Variants in CRADD observed in about 807,000 individuals in gnomAD.
The protein encoded by CRADD is death domain-containing protein CRADD.
A neutral mutation model predicts 15.5 loss-of-function variants in CRADD; 9 were observed. The observed-to-expected ratio is 0.58, with a 90% confidence interval of 0.35 to 1.01. The LOEUF (loss-of-function observed/expected upper bound fraction) is 1.01, where lower values mean the gene tolerates loss of function less well. Ranked by LOEUF, CRADD falls within the 50% of genes least tolerant of loss-of-function variation. CRADD has a pLI of 0.02. For synonymous variants in CRADD, 118 were observed against 107.6 expected (o/e 1.10, Z -0.60); for missense variants, 227 against 250.3 (o/e 0.91, Z 0.63).
chr12:93,807,173 T>A (rs145139667), intron 2 of CRADD, among the ~76,000 whole-genome samples: 2 of 152,324 alleles, frequency 1.3e-5, no homozygotes, highest in African/African-American at 4.8e-5. Context: ...AATTAGTACA[T>A]ATGGAAATTG....
chr12:93,786,277 C>G (rs1305356581), intron 2 of CRADD, among the ~76,000 whole-genome samples: 1 of 152,154 alleles, frequency 6.6e-6, no homozygotes, highest in African/African-American at 2.4e-5. Context: ...TTCTAACAGA[C>G]CTAAATTTGA....
chr12:93,716,376 A>G (rs1372499312), intron 2 of CRADD, among the ~76,000 whole-genome samples: 2 of 152,124 alleles, frequency 1.3e-5, no homozygotes, highest in South Asian at 2.1e-4. Flanking sequence ...ATATTGACAC[A>G]TCGTTATTAC....
downstream of CRADD, among the ~76,000 whole-genome samples, chr12:93,855,161 C>T (rs1489096394): frequency 1.3e-5 from 2 of 152,096 alleles, no homozygotes; most frequent in Non-Finnish European, 2.9e-5. Context: ...CGCCACTTCA[C>T]TCGAGTCTCG....
At chr12:93,837,890 C>A (rs1241104398) in intron 2 of CRADD, 1 of 152,222 alleles carries the variant, frequency 6.6e-6, no homozygotes, top group Non-Finnish European at 1.5e-5. Context: ...ACTACCCAGG[C>A]TTCCTAATTC....
chr12:93,816,121 T>C (rs1001414588), intron 2 of CRADD: 20 of 152,250 alleles, frequency 1.3e-4, no homozygotes, highest in African/African-American at 3.9e-4. Flanking sequence ...TTGAATGATA[T>C]ATTTTATTTA....
intron 2 of CRADD, among the ~76,000 whole-genome samples, chr12:93,823,275 A>G (rs912844765): frequency 6.8e-6 from 1 of 147,506 alleles, no homozygotes; most frequent in South Asian, 2.2e-4. Context: ...CTAGGAAACA[A>G]GAGCGAAACT....
intron 2 of CRADD, among the ~76,000 whole-genome samples, chr12:93,870,541 G>A (rs1047695613): frequency 6.6e-6 from 1 of 152,150 alleles, no homozygotes; most frequent in African/African-American, 2.4e-5. Flanking sequence ...TGGCCAAGAG[G>A]AACAGGTCTT....
intron 2 of CRADD, among the ~76,000 whole-genome samples, chr12:93,834,701 T>G (rs925747956): frequency 1.3e-5 from 2 of 152,212 alleles, no homozygotes; most frequent in African/African-American, 4.8e-5. Context: ...TTGGTCAGGC[T>G]AGTCTCAAGC....
chr12:93,805,593 T>C (rs1957528206), intron 2 of CRADD, among the ~76,000 whole-genome samples: 1 of 151,762 alleles, frequency 6.6e-6, no homozygotes. Context: ...AATAAATAAA[T>C]AAATAAAAAT....
intron 2 of CRADD, among the ~76,000 whole-genome samples, chr12:93,885,705 G>A (rs145398761): frequency 9.9e-5 from 15 of 152,224 alleles, no homozygotes; most frequent in African/African-American, 2.4e-4. Context: ...CCACCCTCTC[G>A]AGATGGTTGT....
intron 2 of CRADD, among the ~76,000 whole-genome samples, chr12:93,734,590 C>T (rs1956530163): frequency 6.6e-6 from 1 of 152,156 alleles, no homozygotes; most frequent in Non-Finnish European, 1.5e-5. Context: ...CTGCTTTAAC[C>T]TTTCAATATG....
At chr12:93,854,446 C>T (rs1958254528), downstream of CRADD, among the ~76,000 whole-genome samples, 3 of 152,204 alleles carry the variant, frequency 2.0e-5, no homozygotes, top group South Asian at 2.1e-4. Flanking sequence ...GTTTGCATCC[C>T]TTTTGCTGAC....
chr12:93,694,565 G>C (rs1955655025), intron 2 of CRADD, among the ~76,000 whole-genome samples: 1 of 151,988 alleles, frequency 6.6e-6, no homozygotes, highest in Non-Finnish European at 1.5e-5. Flanking sequence ...CTTAAATATA[G>C]GAAACCCTAA....
intron 2 of CRADD, among the ~76,000 whole-genome samples, chr12:93,798,580 A>G (rs1344199895): frequency 6.6e-6 from 1 of 152,164 alleles, no homozygotes; most frequent in Non-Finnish European, 1.5e-5. Flanking sequence ...AGTAGGTGGC[A>G]GTTAGATCTG....
At chr12:93,749,950 T>G (rs1308845759) in intron 2 of CRADD, among the ~76,000 whole-genome samples, 1 of 152,230 alleles carries the variant, frequency 6.6e-6, no homozygotes, top group Non-Finnish European at 1.5e-5. Context: ...TAGTAGGTAC[T>G]CAGGACATGT....
intron 2 of CRADD, among the ~76,000 whole-genome samples, chr12:93,883,516 A>C (rs1958516437): frequency 2.6e-5 from 4 of 152,214 alleles, no homozygotes; most frequent in African/African-American, 9.7e-5. Context: ...TCAGACCTCA[A>C]GGACTGAGAA....
At position 93,738,625 on chromosome 12, in the gene CRADD, A is replaced by C. The variant is rs935752575; in HGVS notation, c.298+59553A>C. 7.5e-5 allele frequency: 43 copies of C among 572,658 alleles called. No individual in the cohort carries two copies. The East Asian group carries it at 1.2e-3, about 15-fold the overall frequency. The allele number at this position is 572,658 out of a possible 1,614,324, so 35.5% of individuals were successfully genotyped here. A position where few individuals can be genotyped will look rare whatever the true frequency, so the allele number is the denominator to read the frequency against. ...CAGCCCTTAATAAAAACTAAAACTG[A>C]TGTCATTGTAACCTTTGGTTATTCT... On this transcript the variant is annotated intron_variant, in intron 2 of 2. Coordinates refer to ENST00000332896, the MANE Select transcript of CRADD (RefSeq NM_003805.5).
chr12:93,721,256 G>A (rs114113875), intron 2 of CRADD, among the ~76,000 whole-genome samples: 245 of 152,138 alleles, frequency 1.6e-3, no homozygotes, highest in African/African-American at 5.0e-3. Flanking sequence ...CTTTTTTAAA[G>A]TGGTTTCCCT....
At chr12:93,760,837 T>C (rs1956946345) in intron 2 of CRADD, among the ~76,000 whole-genome samples, 1 of 152,098 alleles carries the variant, frequency 6.6e-6, no homozygotes, top group Non-Finnish European at 1.5e-5. Flanking sequence ...TTGCTGACAC[T>C]ATGCACAGTG....
Sources: gnomAD v4.1 joint callset for allele counts (sites outside exome capture counted in the v4.1 genomes callset) on GRCh38, gnomAD v4.1.1 for gene constraint, MANE v1.5 for transcripts, NCBI Gene and HGNC (gene_info 2026-07-23, HGNC 2026-07-21) for gene names.